CCSER1: variants seen among roughly 807,000 people sequenced by gnomAD.
CCSER1 encodes the protein coiled-coil serine rich protein 1, also known as serine-rich coiled-coil domain-containing protein 1.
In CCSER1, 41 loss-of-function variants were observed where a neutral mutation model predicts 82.0. That is an observed-to-expected ratio of 0.50 (90% CI 0.39 to 0.65). CCSER1 has a LOEUF of 0.65. Ranked by LOEUF, CCSER1 falls within the 30% of genes least tolerant of loss-of-function variation. The probability of loss-of-function intolerance (pLI) is 0.00; values close to 1 mark genes in which losing one functional copy is unlikely to be tolerated. For missense variants in CCSER1, 1,119 were observed against 1,064.2 expected (o/e 1.05, Z -0.72); for synonymous variants, 414 against 383.9 (o/e 1.08, Z -0.92).
chr4:91,278,867 A>G (rs1742683626), intron 10 of CCSER1, among the ~76,000 whole-genome samples: 1 of 151,380 alleles, frequency 6.6e-6, no homozygotes, highest in Admixed American at 6.6e-5. Flanking sequence ...TGAGTTTCAT[A>G]TTTTTGTGTG....
intron 1 of CCSER1, among the ~76,000 whole-genome samples, chr4:90,243,652 C>T (rs1298895151): frequency 1.3e-5 from 2 of 152,004 alleles, no homozygotes; most frequent in Non-Finnish European, 2.9e-5. Flanking sequence ...CCTCCCAAAG[C>T]GCTGGGGTTA....
intron 4 of CCSER1, among the ~76,000 whole-genome samples, chr4:90,430,821 A>G (rs189936284): frequency 1.3e-5 from 2 of 152,086 alleles, no homozygotes; most frequent in South Asian, 2.1e-4. Flanking sequence ...TTAGGGAATT[A>G]TATTTATGGA....
At chr4:91,423,904 T>G (rs1753819057) in intron 10 of CCSER1, among the ~76,000 whole-genome samples, 1 of 151,390 alleles carries the variant, frequency 6.6e-6, no homozygotes, top group Non-Finnish European at 1.5e-5. Context: ...AGTTATGATC[T>G]GGTCACCAGA....
In CCSER1 at chr4:91,538,698, C is replaced by CATATATTATATATAT; in HGVS notation, c.2218-59868_2218-59867insTATATATATATATAT. On this transcript the variant is annotated intron_variant, in intron 10 of 10. Coordinates refer to ENST00000509176, the MANE Select transcript of CCSER1 (RefSeq NM_001145065.2). The stretch of plus-strand genomic sequence containing the variant: ...ATATATGATATATATTATATATACA[C>CATATATTATATATAT]ATATATATATATAATATCTCAGTGC... Among the ~76,000 whole-genome samples the CATATATTATATATAT allele has an allele frequency of 1.1e-3, 149 of 138,324 alleles. 1 individual carries two copies. Among genetic ancestry groups the CATATATTATATATAT allele is most frequent in the African/African-American group, 3.9e-3 (143 of 36,398 alleles). The allele number at this position is 138,324 out of a possible 152,430, so 90.7% of individuals were successfully genotyped here. A position where few individuals can be genotyped will look rare whatever the true frequency, so the allele number is the denominator to read the frequency against.
chr4:90,956,216 C>G (rs544825472), intron 9 of CCSER1, among the ~76,000 whole-genome samples: 1 of 152,058 alleles, frequency 6.6e-6, no homozygotes, highest in Non-Finnish European at 1.5e-5. Flanking sequence ...TATATAATTT[C>G]AATAAAATAA....
chr4:91,099,583 T>G (rs935276207), intron 10 of CCSER1, among the ~76,000 whole-genome samples: 4 of 152,158 alleles, frequency 2.6e-5, no homozygotes, highest in African/African-American at 9.7e-5. Context: ...TTTTTTACAT[T>G]TTAGAGAGGC....
intron 10 of CCSER1, among the ~76,000 whole-genome samples, chr4:91,424,763 T>C (rs983075044): frequency 6.6e-6 from 1 of 152,150 alleles, no homozygotes; most frequent in Non-Finnish European, 1.5e-5. Context: ...GAGTAAAATA[T>C]GCCTTATTTT....
At chr4:91,321,952 G>C (rs1481543469) in intron 10 of CCSER1, among the ~76,000 whole-genome samples, 1 of 151,996 alleles carries the variant, frequency 6.6e-6, no homozygotes, top group Non-Finnish European at 1.5e-5. Context: ...CACAAAAATG[G>C]AATTCACTAA....
At chr4:91,097,032 G>A (rs1226938455) in intron 10 of CCSER1, among the ~76,000 whole-genome samples, 1 of 152,202 alleles carries the variant, frequency 6.6e-6, no homozygotes, top group Non-Finnish European at 1.5e-5. Context: ...CCAAGTTTCA[G>A]ATGTCCGGAC....
intron 6 of CCSER1, among the ~76,000 whole-genome samples, chr4:90,656,482 G>T (rs1403066683): frequency 6.6e-6 from 1 of 151,562 alleles, no homozygotes; most frequent in Non-Finnish European, 1.5e-5. Context: ...GTTTCTGTTG[G>T]TTAGTATTTG....
chr4:90,138,963 A>G (rs1724217483), intron 1 of CCSER1, among the ~76,000 whole-genome samples: 1 of 152,224 alleles, frequency 6.6e-6, no homozygotes, highest in Non-Finnish European at 1.5e-5. Flanking sequence ...CTATGCATGT[A>G]TCAGTTAATG....
Position 91,017,873 on chromosome 4 carries a change from C to T in CCSER1, c.2173-68077C>T, listed in dbSNP as rs72884788. ...TTTTTTTAAGAGTCTCACTCTGTCACCCTAGGCTGAATAACAATCATAGCT... is the reference window on the plus strand; with the variant it reads ...TTTTTTTAAGAGTCTCACTCTGTCATCCTAGGCTGAATAACAATCATAGCT... On this transcript the variant is annotated intron_variant, in intron 9 of 10. Transcript: ENST00000509176. Among the ~76,000 whole-genome samples the T allele has an allele frequency of 4.1e-3, 629 of 151,574 alleles. 1 individual carries two copies. The highest frequency in any genetic ancestry group is 0.015 in the African/African-American group (605 of 41,370).
At chr4:91,304,126 G>A (rs1969531) in intron 10 of CCSER1, among the ~76,000 whole-genome samples, 53,418 of 151,614 alleles carry the variant, frequency 0.35, 9,533 homozygotes, top group Non-Finnish European at 0.38. Flanking sequence ...TGATCTTGCC[G>A]ACTAAATTGC....
intron 10 of CCSER1, among the ~76,000 whole-genome samples, chr4:91,440,162 A>G (rs1018478051): frequency 6.6e-6 from 1 of 152,090 alleles, no homozygotes; most frequent in Admixed American, 6.6e-5. Context: ...CAGAATATAC[A>G]TTTTTTTCAG....
intron 4 of CCSER1, among the ~76,000 whole-genome samples, chr4:90,450,743 A>G (rs980776236): frequency 6.6e-6 from 1 of 152,148 alleles, no homozygotes; most frequent in Non-Finnish European, 1.5e-5. Flanking sequence ...GACTAGAGAG[A>G]GAGAAAGGGA....
At chr4:90,762,991 G>A (rs1750633273) in intron 7 of CCSER1, among the ~76,000 whole-genome samples, 1 of 151,930 alleles carries the variant, frequency 6.6e-6, no homozygotes, top group South Asian at 2.1e-4. Flanking sequence ...GAGGAGCCAA[G>A]GAATATGAGC....
chr4:91,131,752 A>C (rs1581613856), intron 10 of CCSER1, among the ~76,000 whole-genome samples: 1 of 152,258 alleles, frequency 6.6e-6, no homozygotes, highest in East Asian at 1.9e-4. Flanking sequence ...CTAGATGAAG[A>C]ATCTATCAAT....
intron 8 of CCSER1, among the ~76,000 whole-genome samples, chr4:90,817,600 G>C (rs1332615293): frequency 1.3e-5 from 2 of 151,978 alleles, no homozygotes; most frequent in Non-Finnish European, 2.9e-5. Context: ...TGCTATTGTA[G>C]TTTCCATAAT....
At chr4:90,651,504 A>G (rs1728732378) in intron 6 of CCSER1, among the ~76,000 whole-genome samples, 1 of 152,176 alleles carries the variant, frequency 6.6e-6, no homozygotes, top group East Asian at 1.9e-4. Context: ...ACACATGGAC[A>G]CAGGGATGGG....
Sources: gnomAD v4.1 joint callset for allele counts (sites outside exome capture counted in the v4.1 genomes callset) on GRCh38, gnomAD v4.1.1 for gene constraint, MANE v1.5 for transcripts, NCBI Gene and HGNC (gene_info 2026-07-23, HGNC 2026-07-21) for gene names.